The following SLC9A9 variants were observed in gnomAD, a reference collection of about 807,000 sequenced individuals.
SLC9A9 encodes the protein solute carrier family 9 member A9.
SLC9A9 carries 62 observed loss-of-function variants against 77.8 expected under a neutral mutation model. That is an observed-to-expected ratio of 0.80 (90% confidence interval 0.65 to 0.98). SLC9A9 has a LOEUF of 0.98. Among genes scored for constraint, SLC9A9 ranks in the 50% least tolerant of loss-of-function variants. The probability of loss-of-function intolerance (pLI) is 0.00; values close to 1 mark genes in which losing one functional copy is unlikely to be tolerated. For synonymous variants in SLC9A9, 320 were observed against 283.5 expected (o/e 1.13, Z -1.29); for missense variants, 775 against 774.9 (o/e 1.00, Z 0.00).
chr3:143,474,922 C>G (rs889966361), intron 11 of SLC9A9, among the ~76,000 whole-genome samples: 75 of 151,712 alleles, frequency 4.9e-4, no homozygotes, highest in African/African-American at 1.8e-3. Flanking sequence ...AAAGGCTGCC[C>G]TGACCATCAG....
At chr3:143,474,095 T>C (rs189219122) in intron 11 of SLC9A9, among the ~76,000 whole-genome samples, 98 of 152,220 alleles carry the variant, frequency 6.4e-4, no homozygotes, top group African/African-American at 2.1e-3. Context: ...GGAGAAGCCA[T>C]CTGGGTATCT....
chr3:143,805,124 C>T (rs907586004), intron 2 of SLC9A9, among the ~76,000 whole-genome samples: 10 of 152,186 alleles, frequency 6.6e-5, no homozygotes, highest in Non-Finnish European at 1.5e-4. Flanking sequence ...ATTGGATGTC[C>T]TGGGTCCTCC....
intron 4 of SLC9A9, among the ~76,000 whole-genome samples, chr3:143,703,778 G>A (rs1156463280): frequency 2.6e-5 from 4 of 151,970 alleles, no homozygotes; most frequent in African/African-American, 9.7e-5. Flanking sequence ...CAAAAAGTCA[G>A]TTGTTTTATT....
chr3:143,305,404 C>G (rs2030738628), intron 14 of SLC9A9, among the ~76,000 whole-genome samples: 1 of 152,182 alleles, frequency 6.6e-6, no homozygotes, highest in African/African-American at 2.4e-5. Flanking sequence ...CGTTTCATAG[C>G]TGAGGAACAG....
chr3:143,390,195 A>G (rs1036103380), intron 12 of SLC9A9, among the ~76,000 whole-genome samples: 1 of 152,192 alleles, frequency 6.6e-6, no homozygotes, highest in Admixed American at 6.5e-5. Context: ...GGTGGGATGG[A>G]TTTCATGAAA....
chr3:143,334,434 C>CTGCACTGGACTGCACT (rs1488621416), intron 14 of SLC9A9, among the ~76,000 whole-genome samples: 1 of 152,160 alleles, frequency 6.6e-6, no homozygotes, highest in East Asian at 1.9e-4. Context: ...GACTTAGTCA[C>CTGCACTGGACTGCACT]CCACTGCACT....
At chr3:143,747,056 A>G (rs553551818) in intron 4 of SLC9A9, among the ~76,000 whole-genome samples, 36 of 152,262 alleles carry the variant, frequency 2.4e-4, no homozygotes, top group African/African-American at 7.7e-4. Context: ...CAATGGGCCC[A>G]CAAAGATATG....
chr3:143,386,545 G>A (rs59309029), intron 12 of SLC9A9, among the ~76,000 whole-genome samples: 10,651 of 152,274 alleles, frequency 0.07, 657 homozygotes, highest in African/African-American at 0.16. Flanking sequence ...TGAGGATTAA[G>A]TAAGAAAATA....
chr3:143,546,906 C>T (rs1358759308), intron 9 of SLC9A9, among the ~76,000 whole-genome samples: 1 of 152,190 alleles, frequency 6.6e-6, no homozygotes, highest in Admixed American at 6.5e-5. Flanking sequence ...CTTGTTGATA[C>T]AGGAGGTTTC....
chr3:143,434,959 G>T (rs551000361), intron 12 of SLC9A9, among the ~76,000 whole-genome samples: 3 of 152,150 alleles, frequency 2.0e-5, no homozygotes, highest in South Asian at 2.1e-4. Flanking sequence ...CCTATTCCCT[G>T]GTTGCCCAAA....
intron 12 of SLC9A9, among the ~76,000 whole-genome samples, chr3:143,446,892 G>GTGTGCATGCACACA (rs1553755524): frequency 2.0e-5 from 3 of 152,106 alleles, no homozygotes; most frequent in African/African-American, 7.2e-5. Flanking sequence ...GTGTGTGTGT[G>GTGTGCATGCACACA]TGTGTGCATG....
chr3:143,644,150 G>T (rs1021152621), intron 6 of SLC9A9, among the ~76,000 whole-genome samples: 2 of 152,186 alleles, frequency 1.3e-5, no homozygotes, highest in Non-Finnish European at 2.9e-5. Flanking sequence ...GGCATGTCCA[G>T]AGTCAGCTCA....
intron 12 of SLC9A9, among the ~76,000 whole-genome samples, chr3:143,417,896 A>G (rs2034226994): frequency 6.6e-6 from 1 of 151,922 alleles, no homozygotes; most frequent in Admixed American, 6.6e-5. Flanking sequence ...GAGTATCAGG[A>G]TTCTGTAGTT....
chr3:143,413,703 T>C (rs915628796), intron 12 of SLC9A9, among the ~76,000 whole-genome samples: 3 of 152,202 alleles, frequency 2.0e-5, no homozygotes, highest in Non-Finnish European at 4.4e-5. Context: ...AAGTAGTTGT[T>C]CTCACTGTAC....
intron 14 of SLC9A9, among the ~76,000 whole-genome samples, chr3:143,303,598 CATTTG>C (rs1399073966): frequency 6.6e-6 from 1 of 152,182 alleles, no homozygotes; most frequent in African/African-American, 2.4e-5. Flanking sequence ...GTGAGACTTG[CATTTG>C]AGGATGATTA....
intron 2 of SLC9A9, among the ~76,000 whole-genome samples, chr3:143,816,523 C>T (rs1237883806): frequency 6.6e-6 from 1 of 152,194 alleles, no homozygotes; most frequent in Non-Finnish European, 1.5e-5. Flanking sequence ...CTCATCCATT[C>T]ACTTAAACTG....
At chr3:143,412,726 C>T (rs538997034) in intron 12 of SLC9A9, among the ~76,000 whole-genome samples, 10 of 152,316 alleles carry the variant, frequency 6.6e-5, no homozygotes, top group African/African-American at 2.4e-4. Context: ...TCCTTAGTGG[C>T]AGCACATAAT....
Position 143,470,480 on chromosome 3 carries a change from C to CAAA in SLC9A9, c.1316-3293_1316-3291dup, listed in dbSNP as rs11312589. On this transcript the variant is annotated intron_variant, in intron 11 of 15. Transcript: ENST00000316549. The stretch of plus-strand genomic sequence containing the variant: ...GGGCAACAAGAGCGAAATTCTGGCT[C>CAAA]AAAAAAAAAAAAAAGAAAAGAAAAA... Among the ~76,000 whole-genome samples the CAAA allele has an allele frequency of 3.7e-3, 500 of 135,862 alleles. 5 individuals carry two copies. The highest frequency in any genetic ancestry group is 0.012 in the African/African-American group (470 of 37,862). The allele number at this position is 135,862 out of a possible 152,430, so 89.1% of individuals were successfully genotyped here.
At chr3:143,723,152 T>G (rs1356724293) in intron 4 of SLC9A9, among the ~76,000 whole-genome samples, 1 of 152,188 alleles carries the variant, frequency 6.6e-6, no homozygotes, top group Non-Finnish European at 1.5e-5. Flanking sequence ...GCTCTGAGTT[T>G]CAGCATCTGC....
Sources: allele counts gnomAD v4.1 joint callset (sites outside exome capture counted in the v4.1 genomes callset), GRCh38; gene constraint gnomAD v4.1.1; transcripts MANE v1.5; gene names NCBI Gene and HGNC (gene_info 2026-07-23, HGNC 2026-07-21).